The following NCOA2 variants were observed in gnomAD, a reference collection of about 807,000 sequenced individuals.
NCOA2 encodes the protein nuclear receptor coactivator 2, also known as class E basic helix-loop-helix protein 75.
Under a neutral mutation model 145.1 loss-of-function variants are expected in NCOA2, and 21 were observed. The observed-to-expected ratio is 0.14, with a 90% CI of 0.10 to 0.21. NCOA2 has a LOEUF of 0.21. Ranked by LOEUF, NCOA2 falls within the 10% of genes least tolerant of loss-of-function variation. The probability of loss-of-function intolerance (pLI) is 1.00; values close to 1 mark genes in which losing one functional copy is unlikely to be tolerated. For synonymous variants in NCOA2, 619 were observed against 637.5 expected, an observed-to-expected ratio of 0.97 and a Z score of 0.44; for missense variants, 1,472 against 1,837.6, an observed-to-expected ratio of 0.80 and a Z score of 3.64.
intron 15 of NCOA2, among the ~76,000 whole-genome samples, chr8:70,137,327 G>T (rs888297114): frequency 2.6e-5 from 4 of 152,204 alleles, no homozygotes; most frequent in Admixed American, 2.6e-4. Context: ...ACAGGCGTGA[G>T]CCACCGCGTC....
intron 2 of NCOA2, among the ~76,000 whole-genome samples, chr8:70,265,921 C>T (rs904727120): frequency 1.3e-5 from 2 of 151,800 alleles, no homozygotes; most frequent in Middle Eastern, 3.4e-3. Flanking sequence ...TGAGGGATCA[C>T]GAGATCAAGA....
chr8:70,299,182 T>G (rs1343373191), intron 1 of NCOA2, among the ~76,000 whole-genome samples: 1 of 152,176 alleles, frequency 6.6e-6, no homozygotes, highest in Non-Finnish European at 1.5e-5. Context: ...AATAAAATAC[T>G]TCCATAAAAA....
chr8:70,382,250 A>G (rs1349121354), intron 1 of NCOA2, among the ~76,000 whole-genome samples: 1 of 152,094 alleles, frequency 6.6e-6, no homozygotes, highest in Non-Finnish European at 1.5e-5. Flanking sequence ...TTCTTCTAAG[A>G]AAAGTCAGTG....
chr8:70,315,937 G>A (rs1018582494), intron 1 of NCOA2, among the ~76,000 whole-genome samples: 41 of 152,298 alleles, frequency 2.7e-4, no homozygotes, highest in African/African-American at 9.6e-4. Flanking sequence ...ACACTGCCCT[G>A]CTGGGGTATA....
chr8:70,456,076 CAA>C, the NCOA2 span, among the ~76,000 whole-genome samples: 25 of 102,576 alleles, frequency 2.4e-4, no homozygotes, highest in Non-Finnish European at 2.9e-4. Context: ...CATTGCGTAG[CAA>C]AAAAAAAAAA....
At chr8:70,311,190 GA>G (rs71264504) in intron 1 of NCOA2, among the ~76,000 whole-genome samples, 8 of 150,876 alleles carry the variant, frequency 5.3e-5, no homozygotes, top group African/African-American at 9.7e-5. Context: ...TTGAGGCAAA[GA>G]AAAAAAATGT....
intron 1 of NCOA2, among the ~76,000 whole-genome samples, chr8:70,318,295 A>G (rs1444162886): frequency 6.6e-6 from 1 of 152,250 alleles, no homozygotes; most frequent in African/African-American, 2.4e-5. Flanking sequence ...TCTGGCATTC[A>G]GGCGGTTATT....
At chr8:70,378,654 G>C (rs1811896322) in intron 1 of NCOA2, among the ~76,000 whole-genome samples, 2 of 148,588 alleles carry the variant, frequency 1.3e-5, no homozygotes, top group African/African-American at 5.0e-5. Flanking sequence ...TATTTGAAAA[G>C]CTTTCCCAAG....
intron 1 of NCOA2, among the ~76,000 whole-genome samples, chr8:70,299,636 C>T (rs371671879): frequency 6.6e-6 from 1 of 152,210 alleles, no homozygotes; most frequent in Non-Finnish European, 1.5e-5. Context: ...AAATATTCTA[C>T]ACAACCAGTA....
intron 1 of NCOA2, among the ~76,000 whole-genome samples, chr8:70,309,491 T>C (rs1381901284): frequency 6.6e-6 from 1 of 151,972 alleles, no homozygotes; most frequent in African/African-American, 2.4e-5. Flanking sequence ...CCAACAAAGA[T>C]TTATATACAA....
intron 2 of NCOA2, among the ~76,000 whole-genome samples, chr8:70,251,268 G>C (rs1823147239): frequency 6.6e-6 from 1 of 152,134 alleles, no homozygotes; most frequent in African/African-American, 2.4e-5. Context: ...AAACAGCAGT[G>C]CATAAATGTC....
At chr8:70,308,316 C>T (rs990073107) in intron 1 of NCOA2, among the ~76,000 whole-genome samples, 1 of 151,880 alleles carries the variant, frequency 6.6e-6, no homozygotes, top group Non-Finnish European at 1.5e-5. Context: ...AATGACTTGA[C>T]AAAATTGAAA....
chr8:70,231,658 G>C lies in NCOA2; in HGVS notation c.-19-14894C>G, dbSNP rs181223160. ...TGTTAATAGGATATTAATCCTGTCTGGTTCTCCTGACAGGCCACCACTTCC... is the reference window on the plus strand; with the variant it reads ...TGTTAATAGGATATTAATCCTGTCTCGTTCTCCTGACAGGCCACCACTTCC... On this transcript the variant is annotated intron_variant, in intron 2 of 22. Transcript: ENST00000452400. 5.3e-5 allele frequency among the ~76,000 whole-genome samples: 8 copies of C among 152,260 alleles called. No homozygotes were observed. The East Asian group carries it at 1.5e-3, about 29-fold the overall frequency.
chr8:70,280,593 T>TATA (rs1175374458), intron 2 of NCOA2, among the ~76,000 whole-genome samples: 4 of 152,136 alleles, frequency 2.6e-5, no homozygotes, highest in Non-Finnish European at 5.9e-5. Flanking sequence ...ATAGTGTTCA[T>TATA]GAAATGTTAC....
intron 4 of NCOA2, among the ~76,000 whole-genome samples, chr8:70,204,236 G>GACCT (rs1187530691): frequency 6.6e-6 from 1 of 152,100 alleles, no homozygotes; most frequent in Admixed American, 6.5e-5. Flanking sequence ...TCGAACTCCT[G>GACCT]ACCTCAAGTG....
intron 2 of NCOA2, among the ~76,000 whole-genome samples, chr8:70,232,779 A>C (rs1045832264): frequency 6.6e-6 from 1 of 151,848 alleles, no homozygotes; most frequent in African/African-American, 2.4e-5. Flanking sequence ...ATTCAATCTC[A>C]AATCTTCCTT....
chr8:70,316,471 A>G (rs574373492), intron 1 of NCOA2, among the ~76,000 whole-genome samples: 7 of 152,344 alleles, frequency 4.6e-5, no homozygotes, highest in African/African-American at 1.4e-4. Context: ...TTTCCAGATC[A>G]TTCAAGAAAT....
At chr8:70,398,808 A>C (rs887381248) in intron 1 of NCOA2, among the ~76,000 whole-genome samples, 1 of 152,214 alleles carries the variant, frequency 6.6e-6, no homozygotes, top group Non-Finnish European at 1.5e-5. Context: ...TCCTGGAATC[A>C]ACATTTCCAC....
At chr8:70,346,315 C>T (rs1244909086) in intron 1 of NCOA2, among the ~76,000 whole-genome samples, 2 of 152,178 alleles carry the variant, frequency 1.3e-5, no homozygotes, top group Non-Finnish European at 2.9e-5. Context: ...CTGTTTGCAG[C>T]CACTGGGTGT....
Sources: gnomAD v4.1 joint callset for allele counts (sites outside exome capture counted in the v4.1 genomes callset) on GRCh38, gnomAD v4.1.1 for gene constraint, MANE v1.5 for transcripts, NCBI Gene and HGNC (gene_info 2026-07-23, HGNC 2026-07-21) for gene names.